ATP2B2: variants seen among roughly 807,000 people sequenced by gnomAD.
ATP2B2 encodes the protein ATPase plasma membrane Ca2+ transporting 2.
In ATP2B2, 15 loss-of-function variants were observed where a neutral mutation model predicts 120.0. That is an observed-to-expected ratio of 0.12 (90% confidence interval 0.08 to 0.19). The LOEUF (loss-of-function observed/expected upper bound fraction) is 0.19. Ranked by LOEUF, ATP2B2 falls within the 10% of genes least tolerant of loss-of-function variation. The pLI is 1.00. For synonymous variants in ATP2B2, 694 were observed against 700.3 expected (o/e 0.99, Z 0.14); for missense variants, 1,045 against 1,719.8 (o/e 0.61, Z 6.94).
chr3:10,370,309 T>C (rs951677653), intron 12 of ATP2B2, among the ~76,000 whole-genome samples: 1 of 152,236 alleles, frequency 6.6e-6, no homozygotes, highest in Non-Finnish European at 1.5e-5. Context: ...GTTCTGGGAA[T>C]CGCCCTGTTC....
intron 2 of ATP2B2, among the ~76,000 whole-genome samples, chr3:10,548,865 C>T (rs1055224142): frequency 2.6e-5 from 4 of 152,196 alleles, no homozygotes; most frequent in African/African-American, 9.7e-5. Context: ...ATGGAAAGCT[C>T]ATATTTGAAC....
Position 10,342,979 on chromosome 3 carries a change from G to A in ATP2B2, c.2704-14C>T. On this transcript the variant is annotated splice_polypyrimidine_tract_variant and intron_variant, in intron 18 of 22. Coordinates refer to ENST00000360273, the MANE Select transcript of ATP2B2 (RefSeq NM_001001331.4). This position sits in a 1 kb window ranked among gnomAD's most constrained non-coding sequence, Gnocchi z 4.4. ...CAGAGGGGAGTCCTGGGGACGGGCAGGAGAGGGCTGTCACCTGTGCGCCCA... is the reference window on the plus strand; with the variant it reads ...CAGAGGGGAGTCCTGGGGACGGGCAAGAGAGGGCTGTCACCTGTGCGCCCA... 6.2e-7 allele frequency: 1 copy of A among 1,613,178 alleles called. No homozygotes were observed. The highest frequency in any genetic ancestry group is 2.2e-5 in the East Asian group (1 of 44,866).
At chr3:10,506,153 T>C (rs1366240015), upstream of ATP2B2, among the ~76,000 whole-genome samples, 1 of 151,970 alleles carries the variant, frequency 6.6e-6, no homozygotes, top group Non-Finnish European at 1.5e-5. Context: ...TGGGGAGAAG[T>C]CGACTCAACA....
intron 2 of ATP2B2, among the ~76,000 whole-genome samples, chr3:10,580,204 C>A (rs949495347): frequency 6.6e-5 from 10 of 152,146 alleles, no homozygotes; most frequent in Non-Finnish European, 1.3e-4. Flanking sequence ...AGTGTGACCC[C>A]AAATCCTGTG....
intron 1 of ATP2B2, among the ~76,000 whole-genome samples, chr3:10,503,016 G>A (rs930791234): frequency 9.2e-5 from 14 of 152,300 alleles, no homozygotes; most frequent in African/African-American, 3.1e-4. Flanking sequence ...GAGATGATAC[G>A]TGCAAAGCAG....
chr3:10,434,476 ACT>A (rs1207694920), intron 2 of ATP2B2, among the ~76,000 whole-genome samples: 2 of 152,112 alleles, frequency 1.3e-5, no homozygotes, highest in African/African-American at 4.8e-5. Context: ...ATTTAAGTTT[ACT>A]CTGGCCATAA....
chr3:10,335,090 C>T (rs1023653598), intron 22 of ATP2B2, among the ~76,000 whole-genome samples: 1 of 152,144 alleles, frequency 6.6e-6, no homozygotes, highest in African/African-American at 2.4e-5. Flanking sequence ...AATGAGTGAT[C>T]TAGATCAGAA....
chr3:10,332,680 T>C (rs1379973467), intron 22 of ATP2B2, among the ~76,000 whole-genome samples: 1 of 152,070 alleles, frequency 6.6e-6, no homozygotes, highest in Non-Finnish European at 1.5e-5. Flanking sequence ...TGGCTCCAGG[T>C]CTGTGGGCCT....
chr3:10,379,995 C>T (rs925429448), intron 8 of ATP2B2, among the ~76,000 whole-genome samples: 7 of 152,180 alleles, frequency 4.6e-5, no homozygotes, highest in African/African-American at 7.2e-5. Flanking sequence ...TGGTGGTATA[C>T]GAGGGACCTC....
At chr3:10,546,284 A>G (rs2067544027) in intron 2 of ATP2B2, among the ~76,000 whole-genome samples, 2 of 152,172 alleles carry the variant, frequency 1.3e-5, no homozygotes, top group South Asian at 2.1e-4. Flanking sequence ...AGGAGGCAAG[A>G]CAGGGAGGTA....
chr3:10,578,021 C>T (rs1344308258), intron 2 of ATP2B2, among the ~76,000 whole-genome samples: 2 of 152,208 alleles, frequency 1.3e-5, no homozygotes, highest in Non-Finnish European at 2.9e-5. Flanking sequence ...CAAGTCTCTA[C>T]TCTGTCTTCA....
intron 2 of ATP2B2, among the ~76,000 whole-genome samples, chr3:10,553,162 AT>A (rs1369853549): frequency 6.6e-6 from 1 of 152,246 alleles, no homozygotes; most frequent in Non-Finnish European, 1.5e-5. Flanking sequence ...GAGTATTATT[AT>A]TTACTAAAAT....
intron 1 of ATP2B2, among the ~76,000 whole-genome samples, chr3:10,663,377 AG>A (rs1478890916): frequency 6.6e-6 from 1 of 152,172 alleles, no homozygotes; most frequent in African/African-American, 2.4e-5. Context: ...GACACCAGCC[AG>A]GGACAGGGGA....
At chr3:10,549,508 C>T (rs17033066) in intron 2 of ATP2B2, among the ~76,000 whole-genome samples, 8,525 of 152,174 alleles carry the variant, frequency 0.056, 414 homozygotes, top group African/African-American at 0.13. Context: ...AAGATGATGG[C>T]GACACTGGTG....
chr3:10,340,100 A>G lies in ATP2B2; in HGVS notation c.3237+142T>C, dbSNP rs154243. 538,638 of 783,236 alleles carry G rather than the reference A, an allele frequency of 0.69. 190,323 individuals carry two copies. The highest frequency in any genetic ancestry group is 1 in the East Asian group (36,829 of 36,858). 48.5% of individuals were successfully genotyped at this position (783,236 alleles called of 1,614,324 possible). Reference sequence around the variant, plus strand: ...ACGACCAGTATAGGACCTGGGACAAACCCCCTTGCTCAGATGTCCAGAGAT... The same window carrying G: ...ACGACCAGTATAGGACCTGGGACAAGCCCCCTTGCTCAGATGTCCAGAGAT... On this transcript the variant is annotated intron_variant, in intron 21 of 22. Transcript: ENST00000360273. The surrounding 1 kb of genome is among the most constrained non-coding windows in gnomAD (Gnocchi z 5.0).
intron 5 of ATP2B2, among the ~76,000 whole-genome samples, chr3:10,393,723 G>A (rs889616987): frequency 4.6e-5 from 7 of 151,338 alleles, no homozygotes; most frequent in South Asian, 2.1e-4. Flanking sequence ...TGTGGTTTCC[G>A]TGGATGGTAC....
intron 2 of ATP2B2, among the ~76,000 whole-genome samples, chr3:10,560,070 A>G (rs1168207880): frequency 6.6e-6 from 1 of 152,196 alleles, no homozygotes; most frequent in African/African-American, 2.4e-5. Flanking sequence ...GTTGGCCCAG[A>G]CCCTTTCAAA....
rs971517908 is a variant in ATP2B2 at position 10,371,755 on chromosome 3, G to A, written c.1659+54C>T. The stretch of plus-strand genomic sequence containing the variant: ...ATTGCTCAACCTGCCCAGTACCTCT[G>A]TACCATCCCATGGATGTTGCTCCAG... On this transcript the variant is annotated intron_variant, in intron 12 of 22. Transcript: ENST00000360273. 19 of 1,613,418 alleles carry A rather than the reference G, an allele frequency of 1.2e-5. No individual in the cohort carries two copies. The Admixed American group carries it at 2.0e-4, about 17-fold the overall frequency.
chr3:10,683,758 GTGTATATATATATATA>G (rs2071441795), intron 1 of ATP2B2, among the ~76,000 whole-genome samples: 1 of 33,636 alleles, frequency 3.0e-5, no homozygotes, highest in Non-Finnish European at 6.0e-5. Context: ...ATGTGTGTGT[GTGTATATATATATATA>G]TATATATATA....
Sources: gnomAD v4.1 joint callset for allele counts (sites outside exome capture counted in the v4.1 genomes callset) on GRCh38, gnomAD v4.1.1 for gene constraint, Gnocchi (gnomAD v3.1) non-coding constraint, MANE v1.5 for transcripts, NCBI Gene and HGNC (gene_info 2026-07-23, HGNC 2026-07-21) for gene names.